Variants in ZNF862 observed in about 807,000 individuals in gnomAD.
The protein encoded by ZNF862 is zinc finger protein 862.
Under a neutral mutation model 91.1 loss-of-function variants are expected in ZNF862, and 64 were observed. That is an observed-to-expected ratio of 0.70 (90% CI 0.57 to 0.87). The LOEUF (loss-of-function observed/expected upper bound fraction) is 0.87. Among genes scored for constraint, ZNF862 ranks in the 40% least tolerant of loss-of-function variants. The pLI is 0.00. For missense variants in ZNF862, 1,459 were observed against 1,528.0 expected, an observed-to-expected ratio of 0.95 and a Z score of 0.75; for synonymous variants, 631 against 618.1, an observed-to-expected ratio of 1.02 and a Z score of -0.31.
In ZNF862 at chr7:149,858,018, G is replaced by A. The variant is rs908163668; in HGVS notation, c.1118-1404G>A. ...AAACCTCTGTTCTCCTCTGGGGTGT[G>A]GTGGTGGTGTTTCCTGGTTTCCCGG... On this transcript the variant is annotated intron_variant, in intron 5 of 7. Transcript: ENST00000223210. Among the ~76,000 whole-genome samples, 3 of 152,074 alleles carry A rather than the reference G, an allele frequency of 2.0e-5. No individual in the cohort carries two copies. The South Asian group carries it at 6.2e-4, about 32-fold the overall frequency.
chr7:149,838,586 CGGCACG>C lies in ZNF862; in HGVS notation c.-22_-17del. 2 of 1,216,030 alleles carry C rather than the reference CGGCACG, an allele frequency of 1.6e-6. No homozygotes were observed. Among genetic ancestry groups the C allele is most frequent in the Non-Finnish European group, 1.0e-6 (1 of 972,788 alleles). The allele number at this position is 1,216,030 out of a possible 1,614,324, so 75.3% of individuals were successfully genotyped here. A position where few individuals can be genotyped will look rare whatever the true frequency, so the allele number is the denominator to read the frequency against. On this transcript the variant is annotated 5_prime_UTR_variant, in exon 1 of 8. Coordinates refer to ENST00000223210, the MANE Select transcript of ZNF862 (RefSeq NM_001099220.3). ...CAGGCCAGGCCGCGGGGGGAGGGGG[CGGCACG>C]GGCCTCCGAAAGCGGGGCCATGGAG...
intron 1 of ZNF862, among the ~76,000 whole-genome samples, chr7:149,840,302 T>TA (rs1450680916): frequency 7.3e-6 from 1 of 137,592 alleles, no homozygotes; most frequent in South Asian, 2.2e-4. Context: ...AAAATAAAAA[T>TA]ACAAAAATAT....
In ZNF862 at chr7:149,848,343, G is replaced by C. The variant is rs183749995; in HGVS notation, c.850G>C (p.Asp284His). The change falls in exon 4 of 8, where the codon GAT becomes CAT. Residue 284 changes from aspartate to histidine, a missense_variant. Coordinates refer to ENST00000223210, the MANE Select transcript of ZNF862 (RefSeq NM_001099220.3). The part of the protein sequence containing the change: ...IPAMYLDCIS[D>H]LRQKEITDGI... ...TGCAATGTATCTAGACTGCATTTCA[G>C]ATTTGAGGCAAAAAGAAATCACTGA... 101 of 1,606,448 alleles carry C rather than the reference G, an allele frequency of 6.3e-5. No individual in the cohort carries two copies. Among genetic ancestry groups the C allele is most frequent in the Non-Finnish European group, 8.1e-5 (95 of 1,176,216 alleles).
intron 2 of ZNF862, among the ~76,000 whole-genome samples, chr7:149,845,599 G>C (rs1482587382): frequency 1.3e-5 from 2 of 152,168 alleles, no homozygotes; most frequent in Non-Finnish European, 2.9e-5. Flanking sequence ...GTTTTGTTTT[G>C]CTTTGTTTTT....
At position 149,846,131 on chromosome 7, in the gene ZNF862, T is replaced by TC; in HGVS notation, c.137-20_137-19insC. 2.3e-5 allele frequency: 7 copies of TC among 299,550 alleles called. No individual in the cohort carries two copies. Among genetic ancestry groups the TC allele is most frequent in the Non-Finnish European group, 3.0e-5 (6 of 198,954 alleles). 18.6% of individuals were successfully genotyped at this position (299,550 alleles called of 1,614,324 possible). ...GTGCTTTTCTCTCTCTCTCGCTCTC[T>TC]TTTTTTTTTTTGGACTCAGGACCAA... On this transcript the variant is annotated intron_variant, in intron 2 of 7. Coordinates refer to ENST00000223210, the MANE Select transcript of ZNF862 (RefSeq NM_001099220.3).
chr7:149,859,274 G>A (rs1003211138), intron 5 of ZNF862, 148 bp from the exon 6 acceptor site: 1 of 740,602 alleles, frequency 1.4e-6, no homozygotes, highest in Non-Finnish European at 2.3e-6. Flanking sequence ...CTCTGGGTTT[G>A]CGCTCAGCCT....
At chr7:149,852,831 G>A (rs920281089) in intron 5 of ZNF862, 8 of 152,244 alleles carry the variant, frequency 5.3e-5, no homozygotes, top group African/African-American at 1.9e-4. Context: ...GTCATCGTAT[G>A]CTGAGTGGCC....
intron 5 of ZNF862, among the ~76,000 whole-genome samples, chr7:149,852,337 T>TTGTG (rs10674865): frequency 0.4 from 55,665 of 139,750 alleles, 11,506 homozygotes; most frequent in Middle Eastern, 0.49. Flanking sequence ...GAACTCAGTT[T>TTGTG]TGTGTGTGTG....
intron 5 of ZNF862, chr7:149,852,009 G>T (rs1159637560): frequency 3.3e-5 from 5 of 152,110 alleles, no homozygotes; most frequent in Admixed American, 2.0e-4. Context: ...TGGATCTCTG[G>T]TTATCCTTGA....
In ZNF862 at chr7:149,862,395, G is replaced by T. The variant is rs928825135; in HGVS notation, c.3235G>T (p.Asp1079Tyr). ...AVNGVAVTEY[D>Y]PQPAIQHWYL... ...GAACGGCGTGGCCGTCACGGAGTACGACCCCCAGCCCGCCATCCAGCACTG... is the reference window on the plus strand; with the variant it reads ...GAACGGCGTGGCCGTCACGGAGTACTACCCCCAGCCCGCCATCCAGCACTG... Residue 1079 changes from aspartate to tyrosine, a missense_variant, in exon 7 of 8, where the codon GAC becomes TAC. Coordinates refer to ENST00000223210, the MANE Select transcript of ZNF862 (RefSeq NM_001099220.3). 9 of 1,612,344 alleles carry T rather than the reference G, an allele frequency of 5.6e-6. No individual in the cohort carries two copies. The highest frequency in any genetic ancestry group is 1.3e-5 in the African/African-American group (1 of 74,872).
chr7:149,851,418 G>T (rs1001039730), intron 5 of ZNF862, among the ~76,000 whole-genome samples: 3 of 152,194 alleles, frequency 2.0e-5, no homozygotes, highest in African/African-American at 7.2e-5. Context: ...GGTGACAGAG[G>T]TTTTGTTGTC....
chr7:149,852,804 C>T (rs1802111218), intron 5 of ZNF862: 1 of 152,174 alleles, frequency 6.6e-6, no homozygotes, highest in Admixed American at 6.5e-5. Context: ...GTAGCCCTTG[C>T]TTTTATTTGT....
intron 1 of ZNF862, among the ~76,000 whole-genome samples, chr7:149,842,329 G>C (rs1027919054): frequency 6.6e-6 from 1 of 152,234 alleles, no homozygotes; most frequent in African/African-American, 2.4e-5. Flanking sequence ...GTTAGATTCA[G>C]ACTGAGGGGA....
In ZNF862 at chr7:149,860,751, A is replaced by C; in HGVS notation, c.1591A>C (p.Thr531Pro). The change falls in exon 7 of 8, where the codon ACG (threonine) becomes CCG (proline). Residue 531 changes from threonine (T) to proline (P), a missense_variant. Physicochemically the swap from Thr to Pro is conservative, Grantham distance 38 (BLOSUM62 -1). Coordinates refer to ENST00000223210, the MANE Select transcript of ZNF862 (RefSeq NM_001099220.3). ...VSKAHRLCVN[T>P]VEIKEDTPHT... ...CAAAGCGCACAGGCTCTGTGTCAAC[A>C]CGGTTGAAATCAAGGAAGACACCCC... is the stretch of plus-strand genomic sequence containing the variant. 6.2e-7 allele frequency: 1 copy of C among 1,613,924 alleles called. No homozygotes were observed. The highest frequency in any genetic ancestry group is 8.5e-7 in the Non-Finnish European group (1 of 1,179,886).
Position 149,844,732 on chromosome 7 carries a change from A to G in ZNF862, c.132A>G (p.Pro44=), listed in dbSNP as rs921867131. ...GTGGTTCCAACAAGCTGGTGGCACCACTGGGTATGGGTGCCCATCCACATC... is the reference window on the plus strand; with the variant it reads ...GTGGTTCCAACAAGCTGGTGGCACCGCTGGGTATGGGTGCCCATCCACATC... ...ELCGSNKLVA[P]LGPTVANPEL... is the part of the protein sequence containing the mutation. Residue 44 remains proline (P), a synonymous_variant, in exon 2 of 8, where the codon CCA becomes CCG. Transcript: ENST00000223210. The G allele has an allele frequency of 6.4e-7, 1 of 1,573,946 alleles. No individual in the cohort carries two copies. The highest frequency in any genetic ancestry group is 2.3e-5 in the East Asian group (1 of 43,058).
At position 149,850,168 on chromosome 7, in the gene ZNF862, C is replaced by T; in HGVS notation, c.947C>T (p.Ser316Phe). Residue 316 changes from serine (S) to phenylalanine (F), a missense_variant, in exon 5 of 8, where the codon TCT becomes TTT. Coordinates refer to ENST00000223210, the MANE Select transcript of ZNF862 (RefSeq NM_001099220.3). The surrounding 1 kb of genome is among the most constrained non-coding windows in gnomAD (Gnocchi z 4.2). ...DAVESCIQDP[S>F]AEGLSEEVPV... ...CGCTGCTCTTTGTTCCAGGACCCTTCTGCAGAGGGGCTGTCGGAGGAGGTT... is the reference window on the plus strand; with the variant it reads ...CGCTGCTCTTTGTTCCAGGACCCTTTTGCAGAGGGGCTGTCGGAGGAGGTT... 1 of 1,565,484 alleles carries T rather than the reference C, an allele frequency of 6.4e-7. No individual in the cohort carries two copies. The highest frequency in any genetic ancestry group is 8.7e-7 in the Non-Finnish European group (1 of 1,155,598).
rs778499457 is a variant in ZNF862, at chr7:149,860,435, A to C, written c.1275A>C (p.Ala425=). Residue 425 remains alanine, a synonymous_variant, in exon 7 of 8, where the codon GCA becomes GCC. Coordinates refer to ENST00000223210, the MANE Select transcript of ZNF862 (RefSeq NM_001099220.3). ...AGGCAGACACACAGGCCTCGGCTGC[A>C]GACTCCGCGTTGCTTCCAGGCTCTC... ...VREADTQASA[A]DSALLPGSPV... 54 of 1,613,760 alleles carry C rather than the reference A, an allele frequency of 3.3e-5. No homozygotes were observed. Among genetic ancestry groups the C allele is most frequent in the Non-Finnish European group, 4.0e-5 (47 of 1,179,854 alleles).
chr7:149,839,972 T>C (rs1038485983), intron 1 of ZNF862, among the ~76,000 whole-genome samples: 4 of 152,082 alleles, frequency 2.6e-5, no homozygotes, highest in African/African-American at 9.7e-5. Context: ...TTCTGTTCAG[T>C]CAGAGGCTTT....
chr7:149,849,747 T>C (rs1399426016), intron 4 of ZNF862, among the ~76,000 whole-genome samples: 1 of 152,254 alleles, frequency 6.6e-6, no homozygotes, highest in African/African-American at 2.4e-5. Flanking sequence ...TCACTGGTCA[T>C]AAGCATCTTT....
Sources: gnomAD v4.1 joint callset for allele counts (sites outside exome capture counted in the v4.1 genomes callset) on GRCh38, gnomAD v4.1.1 for gene constraint, Gnocchi (gnomAD v3.1) non-coding constraint, MANE v1.5 for transcripts, NCBI Gene and HGNC (gene_info 2026-07-23, HGNC 2026-07-21) for gene names.